Variants in CTR9 observed in about 807,000 individuals in gnomAD.
CTR9 encodes RNA polymerase-associated protein CTR9 homolog.
In CTR9, 41 loss-of-function variants were observed where a neutral mutation model predicts 152.1. The ratio of observed to expected loss-of-function variants is 0.27; its 90% CI spans 0.21 to 0.35. CTR9 has a LOEUF of 0.35. Among genes scored for constraint, CTR9 ranks in the 10% least tolerant of loss-of-function variants. CTR9 has a pLI of 1.00. For synonymous variants in CTR9, 476 were observed against 496.2 expected (o/e 0.96, Z 0.54); for missense variants, 917 against 1,424.4 (o/e 0.64, Z 5.73).
intron 5 of CTR9, among the ~76,000 whole-genome samples, chr11:10,757,959 A>G (rs1335061354): frequency 2.0e-5 from 3 of 152,240 alleles, no homozygotes; most frequent in East Asian, 1.9e-4. Flanking sequence ...ATGCAGATAT[A>G]TAGGAGAAGA....
intron 8 of CTR9, 33 bp from the exon 9 acceptor site, chr11:10,763,610 A>G (rs1360384927): frequency 6.4e-7 from 1 of 1,573,140 alleles, no homozygotes; most frequent in Non-Finnish European, 8.6e-7. Context: ...ATACTTTTGT[A>G]CATATTGGTC....
Position 10,778,791 on chromosome 11 carries a change from G to T in CTR9, c.3208G>T (p.Ala1070Ser). 1.2e-6 allele frequency: 2 copies of T among 1,614,226 alleles called. No homozygotes were observed. The highest frequency in any genetic ancestry group is 1.1e-5 in the South Asian group (1 of 91,086). The change falls in exon 25 of 25, where the codon GCC (alanine) becomes TCC (serine). Residue 1070 changes from alanine to serine, a missense_variant. Ala to Ser is a moderately conservative substitution (Grantham distance 99). Around this residue, in one of 9 missense-constraint regions of CTR9, gnomAD observed 384 missense variants for 398.4 expected, o/e 0.96. Coordinates refer to ENST00000361367, the MANE Select transcript of CTR9 (RefSeq NM_014633.5). ...GAACCAGAACAAGTCTGGCAGCGAG[G>T]CCGGCAGTCCCCGGAGGCCACGAAG... ...DENQNKSGSE[A>S]GSPRRPRRQR...
intron 12 of CTR9, among the ~76,000 whole-genome samples, chr11:10,765,557 G>T (rs185081366): frequency 6.6e-6 from 1 of 152,154 alleles, no homozygotes; most frequent in Non-Finnish European, 1.5e-5. Context: ...TGCCTCCCGG[G>T]TTGGAGTGAT....
chr11:10,777,113 A>G (rs538683776), intron 24 of CTR9, among the ~76,000 whole-genome samples: 2 of 152,082 alleles, frequency 1.3e-5, no homozygotes, highest in East Asian at 1.9e-4. Flanking sequence ...TTTTTTCTAA[A>G]AGAAAGGGTG....
At chr11:10,773,098 G>T (rs2135382232) in intron 20 of CTR9, 29 bp from the exon 21 acceptor site, 3 of 1,580,028 alleles carry the variant, frequency 1.9e-6, no homozygotes, top group East Asian at 4.5e-5. Context: ...TTTGCAGTGG[G>T]GTTTCTTTTC....
Position 10,751,266 on chromosome 11 carries a change from G to A in CTR9, c.-147G>A. On this transcript the variant is annotated 5_prime_UTR_variant, in exon 1 of 25. Transcript: ENST00000361367. The stretch of plus-strand genomic sequence containing the variant: ...TGCTCGTTGTTTAAGCGGCTGACGG[G>A]AAGGAGAAGCCAGAGCTCCAGCGGC... 1.3e-6 allele frequency: 1 copy of A among 779,150 alleles called. No homozygotes were observed. The allele number at this position is 779,150 out of a possible 1,614,324, so 48.3% of individuals were successfully genotyped here.
At chr11:10,758,057 GT>G (rs201444774) in intron 5 of CTR9, among the ~76,000 whole-genome samples, 3,600 of 152,276 alleles carry the variant, frequency 0.024, 84 homozygotes, top group Non-Finnish European at 0.033. Context: ...GGAGGCCATT[GT>G]TTCTGGAATA....
In CTR9 at chr11:10,767,638, G is replaced by C. The variant is rs906028904; in HGVS notation, c.1687-168G>C. The C allele has an allele frequency of 1.5e-6, 1 of 647,622 alleles. No homozygotes were observed. Among genetic ancestry groups the C allele is most frequent in the Non-Finnish European group, 2.7e-6 (1 of 373,808 alleles). The allele number at this position is 647,622 out of a possible 1,614,324, so 40.1% of individuals were successfully genotyped here. A position where few individuals can be genotyped will look rare whatever the true frequency, so the allele number is the denominator to read the frequency against. On this transcript the variant is annotated intron_variant, in intron 13 of 24. Coordinates refer to ENST00000361367, the MANE Select transcript of CTR9 (RefSeq NM_014633.5). This position sits in a 1 kb window ranked among gnomAD's most constrained non-coding sequence, Gnocchi z 4.0. ...AACTTAGCTTTAGCATTAGTAGTTCGATAAATTTGGATTGCCATGCAAAAA... is the reference window on the plus strand; with the variant it reads ...AACTTAGCTTTAGCATTAGTAGTTCCATAAATTTGGATTGCCATGCAAAAA...
At chr11:10,751,527 C>G in intron 1 of CTR9, 70 bp downstream of exon 1, 1 of 1,482,268 alleles carries the variant, frequency 6.7e-7, no homozygotes. Context: ...CTTCGCTCGA[C>G]TTCGTTTCTG....
Position 10,772,535 on chromosome 11 carries a change from A to G in CTR9, c.2460A>G (p.Leu820=). Residue 820 remains leucine (L), a synonymous_variant, in exon 20 of 25, where the codon TTA becomes TTG. Transcript: ENST00000361367. ...AATGTTCTAGGCAGTGTTCTGACTT[A>G]CTGAGCCAGGCCCAGTACCATGTGG... The part of the protein sequence containing the change: ...AATEARQCSD[L]LSQAQYHVAR... 1.3e-6 allele frequency: 2 copies of G among 1,562,168 alleles called. No individual in the cohort carries two copies. The highest frequency in any genetic ancestry group is 1.7e-6 in the Non-Finnish European group (2 of 1,156,374).
intron 13 of CTR9, chr11:10,766,970 G>A (rs1234874684): frequency 6.5e-6 from 1 of 152,694 alleles, no homozygotes; most frequent in East Asian, 1.9e-4. Flanking sequence ...ACAAACAACT[G>A]AAATGAAAGT....
At chr11:10,766,057 T>TA (rs957530777) in intron 12 of CTR9, among the ~76,000 whole-genome samples, 41 of 152,092 alleles carry the variant, frequency 2.7e-4, no homozygotes, top group South Asian at 1.9e-3. Flanking sequence ...CAGCTTTTTT[T>TA]AAAAAAAGGT....
At chr11:10,773,324 CT>C (rs1362821947) in intron 21 of CTR9, 51 bp downstream of exon 21, 1 of 1,586,190 alleles carries the variant, frequency 6.3e-7, no homozygotes, top group Admixed American at 2.0e-5. Context: ...TGTCTTTTGG[CT>C]TTGAGAAATG....
chr11:10,757,738 C>CA (rs754114352), intron 5 of CTR9, among the ~76,000 whole-genome samples: 1 of 152,136 alleles, frequency 6.6e-6, no homozygotes, highest in Non-Finnish European at 1.5e-5. Flanking sequence ...ACCAAAGAGA[C>CA]AAAAGTTCCT....
rs1863212016 is a variant in CTR9, at chr11:10,775,187, CTT to C, written c.2886-19_2886-18del. 2 of 1,593,918 alleles carry C rather than the reference CTT, an allele frequency of 1.3e-6. No homozygotes were observed. ...TAGGTAGGCTCTTGACAAACTCTCT[CTT>C]GGTGTTCACTATTTAAGACATCCAA... On this transcript the variant is annotated intron_variant, in intron 22 of 24. Transcript: ENST00000361367.
intron 21 of CTR9, 39 bp from the exon 22 acceptor site, chr11:10,773,973 A>G: frequency 6.7e-7 from 1 of 1,491,734 alleles, no homozygotes; most frequent in Non-Finnish European, 9.2e-7. Flanking sequence ...CATTCCACCA[A>G]CCAGGAAATA....
chr11:10,776,131 A>G (rs996766568), intron 24 of CTR9, among the ~76,000 whole-genome samples: 18 of 152,216 alleles, frequency 1.2e-4, no homozygotes, highest in Non-Finnish European at 2.4e-4. Context: ...CTTGTTGCCC[A>G]GGCTGGAGTG....
At chr11:10,775,670 G>A (rs751434778) in intron 24 of CTR9, 37 bp downstream of exon 24, 2 of 1,388,926 alleles carry the variant, frequency 1.4e-6, no homozygotes, top group South Asian at 2.4e-5. Flanking sequence ...TTCTCATGAT[G>A]TAGATAAATC....
intron 6 of CTR9, 75 bp downstream of exon 6, chr11:10,760,396 G>C (rs1862958087): frequency 7.3e-7 from 1 of 1,365,424 alleles, no homozygotes. Context: ...AACTCTTGGA[G>C]CCAGATGTGT....
Sources: allele counts gnomAD v4.1 joint callset (sites outside exome capture counted in the v4.1 genomes callset), GRCh38; gene constraint gnomAD v4.1.1; regional missense constraint gnomAD v4.1.1; non-coding constraint Gnocchi (gnomAD v3.1); transcripts MANE v1.5; gene names NCBI Gene and HGNC (gene_info 2026-07-23, HGNC 2026-07-21).